Variants in TIMM44 observed in about 807,000 individuals in gnomAD.
TIMM44 encodes mitochondrial import inner membrane translocase subunit TIM44.
A neutral mutation model predicts 63.8 loss-of-function variants in TIMM44; 37 were observed. The ratio of observed to expected loss-of-function variants is 0.58; its 90% CI spans 0.45 to 0.76. The LOEUF (loss-of-function observed/expected upper bound fraction) is 0.76. TIMM44 is among the 30% of genes least tolerant of loss of function. TIMM44 has a pLI of 0.00. For missense variants in TIMM44, 573 were observed against 603.8 expected, an observed-to-expected ratio of 0.95 and a Z score of 0.54; for synonymous variants, 239 against 245.1, an observed-to-expected ratio of 0.98 and a Z score of 0.23.
At chr19:7,935,953 G>C (rs1444368890) in intron 3 of TIMM44, among the ~76,000 whole-genome samples, 1 of 152,150 alleles carries the variant, frequency 6.6e-6, no homozygotes, top group Non-Finnish European at 1.5e-5. Context: ...CAGAGAGTTC[G>C]AGACCAGCAC....
In TIMM44 at chr19:7,929,472, G is replaced by T. The variant is rs562491919; in HGVS notation, c.1039-1306C>A. Among the ~76,000 whole-genome samples, 9 of 152,330 alleles carry T rather than the reference G, an allele frequency of 5.9e-5. No homozygotes were observed. The East Asian group carries it at 1.7e-3, about 29-fold the overall frequency. On this transcript the variant is annotated intron_variant, in intron 10 of 12. Transcript: ENST00000270538. Reference sequence around the variant, plus strand: ...GCAACCCCATCCGTGCCCCATAGGTGGCGGCCCCGGGTCACCGATGAAAGC... The same window carrying T: ...GCAACCCCATCCGTGCCCCATAGGTTGCGGCCCCGGGTCACCGATGAAAGC...
rs1023360593 is a variant in TIMM44 at position 7,932,614 on chromosome 19, G to T, written c.987+13C>A. On this transcript the variant is annotated intron_variant, in intron 9 of 12. Transcript: ENST00000270538. ...CTGCCGCCTGGGAGGGGTCCTGGGG[G>T]TGTGGCACCCACCTCCAGGACATTG... The T allele has an allele frequency of 6.2e-7, 1 of 1,612,740 alleles. No individual in the cohort carries two copies. The highest frequency in any genetic ancestry group is 8.5e-7 in the Non-Finnish European group (1 of 1,179,994).
intron 9 of TIMM44, 153 bp from the exon 10 acceptor site, chr19:7,931,341 G>A: frequency 1.3e-6 from 1 of 743,456 alleles, no homozygotes; most frequent in Middle Eastern, 2.6e-4. Context: ...CTGTGGCACT[G>A]GGTGTCCCCC....
rs972964974 is a variant in TIMM44, at chr19:7,933,278, C to T, written c.769+207G>A. ...CCTGCGGCTCGTTTCGGGGCCCTGACTGTGCTTATGAGGGAGCACCTGGCT... is the reference window on the plus strand; with the variant it reads ...CCTGCGGCTCGTTTCGGGGCCCTGATTGTGCTTATGAGGGAGCACCTGGCT... On this transcript the variant is annotated intron_variant, in intron 7 of 12. Transcript: ENST00000270538. This position sits in a 1 kb window ranked among gnomAD's most constrained non-coding sequence, Gnocchi z 4.3. 3.3e-5 allele frequency among the ~76,000 whole-genome samples: 5 copies of T among 152,186 alleles called. No individual in the cohort carries two copies. Among genetic ancestry groups the T allele is most frequent in the Non-Finnish European group, 2.9e-5 (2 of 68,016 alleles).
chr19:7,931,003 C>T (rs902963406), intron 10 of TIMM44, 135 bp downstream of exon 10: 14 of 741,544 alleles, frequency 1.9e-5, no homozygotes, highest in African/African-American at 3.6e-5. Context: ...GAGGGTGAGA[C>T]GTGAGGATTC....
chr19:7,942,072 G>A (rs951752858), intron 1 of TIMM44, among the ~76,000 whole-genome samples: 1 of 152,230 alleles, frequency 6.6e-6, no homozygotes, highest in Admixed American at 6.5e-5. Context: ...TTGCTGGCTG[G>A]GCGCGGTGGC....
chr19:7,930,203 C>T (rs1195354223), intron 10 of TIMM44, among the ~76,000 whole-genome samples: 2 of 151,592 alleles, frequency 1.3e-5, no homozygotes, highest in East Asian at 2.0e-4. Context: ...TGCTGTGCTG[C>T]GATGACTCAC....
At chr19:7,928,923 C>CAAAAAAAAAAAAAAAAAAAAAAACAA (rs1983894825) in intron 10 of TIMM44, 1 of 70,088 alleles carries the variant, frequency 1.4e-5, no homozygotes, top group African/African-American at 6.7e-5. Flanking sequence ...AACAAAAAAC[C>CAAAAAAAAAAAAAAAAAAAAAAACAA]AAAAAAAAAA....
intron 12 of TIMM44, 85 bp from the exon 13 acceptor site, chr19:7,927,391 G>T: frequency 6.5e-7 from 1 of 1,533,212 alleles, no homozygotes; most frequent in Non-Finnish European, 8.9e-7. Context: ...CTGTGGGGCA[G>T]GAGCCACCGG....
At chr19:7,941,778 G>C (rs1369586592) in intron 1 of TIMM44, among the ~76,000 whole-genome samples, 1 of 152,128 alleles carries the variant, frequency 6.6e-6, no homozygotes, top group Non-Finnish European at 1.5e-5. Context: ...CAACCCATGG[G>C]GGGAAGAAGG....
At chr19:7,931,644 C>T in intron 9 of TIMM44, 1 of 188,780 alleles carries the variant, frequency 5.3e-6, no homozygotes, top group Non-Finnish European at 1.1e-5. Context: ...CTGCTGGGGG[C>T]AGCGAGAGGG....
chr19:7,942,200 A>C (rs1432481986), intron 1 of TIMM44, among the ~76,000 whole-genome samples: 1 of 152,156 alleles, frequency 6.6e-6, no homozygotes, highest in Non-Finnish European at 1.5e-5. Flanking sequence ...TACAAAAATT[A>C]GCCGGGCGTG....
Position 7,927,782 on chromosome 19 carries a change from A to C in TIMM44, c.1129-15T>G, listed in dbSNP as rs1201263647. 1.9e-6 allele frequency: 3 copies of C among 1,607,026 alleles called. No individual in the cohort carries two copies. ...CCCATGGCCAGCTGCAGAGGGGCCG[A>C]GAGGGGGGATGTGCCTCAGAGGACA... On this transcript the variant is annotated splice_polypyrimidine_tract_variant and intron_variant, in intron 11 of 12. Coordinates refer to ENST00000270538, the MANE Select transcript of TIMM44 (RefSeq NM_006351.4).
At position 7,933,745 on chromosome 19, in the gene TIMM44, T is replaced by C; in HGVS notation, c.683+119A>G. ...TCAAATTCGAGGGAGCCGGGAACCT[T>C]GGGCAGAAGGCAAACTCAAGAAACG... On this transcript the variant is annotated intron_variant, in intron 6 of 12. Transcript: ENST00000270538. The surrounding 1 kb of genome is among the most constrained non-coding windows in gnomAD (Gnocchi z 4.3). 6.6e-7 allele frequency: 1 copy of C among 1,511,672 alleles called. No homozygotes were observed. The allele number at this position is 1,511,672 out of a possible 1,614,324, so 93.6% of individuals were successfully genotyped here.
In TIMM44 at chr19:7,939,607, C is replaced by T. The variant is rs556249554; in HGVS notation, c.142-1410G>A. Among the ~76,000 whole-genome samples, 4 of 101,322 alleles carry T rather than the reference C, an allele frequency of 3.9e-5. No individual in the cohort carries two copies. In the Admixed American group the frequency reaches 4.8e-4, roughly 12 times the overall value. 66.5% of individuals were successfully genotyped at this position (101,322 alleles called of 152,430 possible). On this transcript the variant is annotated intron_variant, in intron 2 of 12. Coordinates refer to ENST00000270538, the MANE Select transcript of TIMM44 (RefSeq NM_006351.4). The stretch of plus-strand genomic sequence containing the variant: ...CAGCCTGGGTGATGGAATGAGACTC[C>T]ATCTCAAAAAAAAAAAAAAAAAAGC...
rs1471130424 is a variant in TIMM44 at position 7,933,269 on chromosome 19, G to T, written c.769+216C>A. ...GGACAGGGGCCTGCGGCTCGTTTCG[G>T]GGCCCTGACTGTGCTTATGAGGGAG... On this transcript the variant is annotated intron_variant, in intron 7 of 12. Transcript: ENST00000270538. This position sits in a 1 kb window ranked among gnomAD's most constrained non-coding sequence, Gnocchi z 4.3. Among the ~76,000 whole-genome samples, 1 of 152,154 alleles carries T rather than the reference G, an allele frequency of 6.6e-6. No homozygotes were observed. Among genetic ancestry groups the T allele is most frequent in the African/African-American group, 2.4e-5 (1 of 41,442 alleles).
rs1042151022 is a variant in TIMM44, at chr19:7,933,809, C to T, written c.683+55G>A. 1.9e-6 allele frequency: 3 copies of T among 1,611,202 alleles called. No homozygotes were observed. Among genetic ancestry groups the T allele is most frequent in the Non-Finnish European group, 2.5e-6 (3 of 1,179,300 alleles). ...ACCATTGGTGGGCTCCCGAAATGGA[C>T]AGCAGTGAAAGCTGCCCAAAATGGG... On this transcript the variant is annotated intron_variant, in intron 6 of 12. Transcript: ENST00000270538. This position sits in a 1 kb window ranked among gnomAD's most constrained non-coding sequence, Gnocchi z 4.3.
chr19:7,931,213 C>A, intron 9 of TIMM44, 25 bp from the exon 10 acceptor site: 7 of 1,610,690 alleles, frequency 4.3e-6, no homozygotes, highest in Non-Finnish European at 5.9e-6. Flanking sequence ...AAAATAAGCA[C>A]CAGAACGAGA....
chr19:7,927,937 G>C (rs916361096), intron 11 of TIMM44, 140 bp downstream of exon 11: 1 of 1,105,338 alleles, frequency 9.0e-7, no homozygotes, highest in African/African-American at 1.6e-5. Flanking sequence ...CCTCCCTCGA[G>C]ACCCTCCCCT....
Sources: gnomAD v4.1 joint callset for allele counts (sites outside exome capture counted in the v4.1 genomes callset) on GRCh38, gnomAD v4.1.1 for gene constraint, Gnocchi (gnomAD v3.1) non-coding constraint, MANE v1.5 for transcripts, NCBI Gene and HGNC (gene_info 2026-07-23, HGNC 2026-07-21) for gene names.